SYNE1: variants seen among roughly 807,000 people sequenced by gnomAD.
SYNE1 encodes the protein spectrin repeat containing nuclear envelope protein 1, also known as nesprin-1.
SYNE1 carries 616 observed loss-of-function variants against 1,111.0 expected under a neutral mutation model. That is an observed-to-expected ratio of 0.55 (90% CI 0.52 to 0.59). The LOEUF is 0.59. Among genes scored for constraint, SYNE1 ranks in the 20% least tolerant of loss-of-function variants. SYNE1 has a pLI of 0.00. For synonymous variants in SYNE1, 3,855 were observed against 3,825.8 expected (o/e 1.01, Z -0.28); for missense variants, 10,006 against 10,417.0 (o/e 0.96, Z 1.72).
At chr6:152,232,286 A>G (rs764509579) in intron 112 of SYNE1, 21 bp from the exon 113 acceptor site, 1 of 1,613,676 alleles carries the variant, frequency 6.2e-7, no homozygotes, top group South Asian at 1.1e-5. Context: ...CAGGGAGAGA[A>G]CCAGTCCCAA....
intron 3 of SYNE1, among the ~76,000 whole-genome samples, chr6:152,585,960 A>T (rs1204171296): frequency 6.6e-6 from 1 of 152,088 alleles, no homozygotes; most frequent in African/African-American, 2.4e-5. Context: ...GTGAAATACA[A>T]AGACATGAGG....
rs1395630191 is a variant in SYNE1, at chr6:152,385,684, G to C, written c.8642C>G (p.Ser2881Ter). 6.2e-7 allele frequency: 1 copy of C among 1,613,920 alleles called. No homozygotes were observed. The highest frequency in any genetic ancestry group is 8.5e-7 in the Non-Finnish European group (1 of 1,179,978). Residue 2881 changes from serine to a stop codon, truncating the protein, a stop_gained, in exon 55 of 146, where the codon TCA (serine) becomes TGA (stop). Coordinates refer to ENST00000367255, the MANE Select transcript of SYNE1 (RefSeq NM_182961.4). LOFTEE classifies it high-confidence loss of function. ...GDSSATQKKL[S>*]KIKELIDSRE... ...TGTTCATTTCCTGACCTTAATTTTT[G>C]ATAACTTTTTCTGGGTGGCTGATGA...
intron 34 of SYNE1, among the ~76,000 whole-genome samples, chr6:152,431,916 T>A (rs1350581809): frequency 6.6e-6 from 1 of 152,162 alleles, no homozygotes; most frequent in Non-Finnish European, 1.5e-5. Context: ...GAAAAATTAA[T>A]CATAAATTCA....
intron 4 of SYNE1, among the ~76,000 whole-genome samples, chr6:152,526,431 T>C (rs1404303866): frequency 6.6e-6 from 1 of 152,232 alleles, no homozygotes; most frequent in African/African-American, 2.4e-5. Flanking sequence ...TGTACCAGCT[T>C]CTTTCTAGAA....
At chr6:152,151,037 C>A (rs1400096707) in intron 135 of SYNE1, among the ~76,000 whole-genome samples, 1 of 152,032 alleles carries the variant, frequency 6.6e-6, no homozygotes, top group Non-Finnish European at 1.5e-5. Flanking sequence ...CATAGTGAAA[C>A]CCCATCTTTA....
Position 152,249,174 on chromosome 6 carries a change from G to A in SYNE1, c.19559C>T (p.Ala6520Val). 6.2e-7 allele frequency: 1 copy of A among 1,612,134 alleles called. No individual in the cohort carries two copies. Among genetic ancestry groups the A allele is most frequent in the Non-Finnish European group, 8.5e-7 (1 of 1,178,298 alleles). ...KLANVFEQPVAEQIEAIQQAE... is the reference protein window; with the variant it reads ...KLANVFEQPVVEQIEAIQQAE... ...AGCTATAAATACCTCTATTTGTTCT[G>A]CTACGGGCTGTTCAAACACATTTGC... is the stretch of plus-strand genomic sequence containing the variant. The change falls in exon 105 of 146, where the codon GCA (alanine) becomes GTA (valine). Residue 6520 changes from alanine to valine, a missense_variant. Ala to Val is a moderately conservative substitution (Grantham distance 64, BLOSUM62 0). Coordinates refer to ENST00000367255, the MANE Select transcript of SYNE1 (RefSeq NM_182961.4).
chr6:152,382,343 A>G lies in SYNE1; in HGVS notation c.8653-981T>C, dbSNP rs139576129. On this transcript the variant is annotated intron_variant, in intron 55 of 145. Coordinates refer to ENST00000367255, the MANE Select transcript of SYNE1 (RefSeq NM_182961.4). ...TCAATGACCAATTAGCAAGTAAAGA[A>G]ACATTGGAATGTTAAGTATGAAGCA... Among the ~76,000 whole-genome samples, 476 of 152,348 alleles carry G rather than the reference A, an allele frequency of 3.1e-3. 2 individuals carry two copies. Among genetic ancestry groups the G allele is most frequent in the Non-Finnish European group, 4.9e-3 (336 of 68,014 alleles).
At chr6:152,617,624 G>A (rs1360154027) in intron 3 of SYNE1, among the ~76,000 whole-genome samples, 5 of 152,184 alleles carry the variant, frequency 3.3e-5, no homozygotes, top group East Asian at 1.9e-4. Flanking sequence ...CTGGATATCC[G>A]AAGTTGAATA....
chr6:152,279,732 A>AAAT (rs1204457701), intron 97 of SYNE1, among the ~76,000 whole-genome samples: 1 of 151,584 alleles, frequency 6.6e-6, no homozygotes, highest in Non-Finnish European at 1.5e-5. Context: ...AAAAAAAAAA[A>AAAT]AAAAGAATAT....
intron 3 of SYNE1, among the ~76,000 whole-genome samples, chr6:152,608,946 T>A (rs200013677): frequency 1.4e-5 from 1 of 69,710 alleles, no homozygotes; most frequent in South Asian, 3.8e-4. Flanking sequence ...AATAAAAAAA[T>A]AAAAAAAAAT....
chr6:152,605,797 C>T (rs1019711131), intron 3 of SYNE1, among the ~76,000 whole-genome samples: 2 of 152,026 alleles, frequency 1.3e-5, no homozygotes, highest in Non-Finnish European at 2.9e-5. Flanking sequence ...GTGATTAAGG[C>T]TTGGTGTTTT....
rs762418917 is a variant in SYNE1 at position 152,354,956 on chromosome 6, T to C, written c.10629A>G (p.Ala3543=). The C allele has an allele frequency of 6.2e-7, 1 of 1,614,102 alleles. No individual in the cohort carries two copies. The highest frequency in any genetic ancestry group is 8.5e-7 in the Non-Finnish European group (1 of 1,180,038). The change falls in exon 67 of 146, where the codon GCA becomes GCG. Residue 3543 remains alanine, a synonymous_variant. Transcript: ENST00000367255. ...RDLQELQVHC[A]EGQALLNSVL... is the part of the protein sequence containing the mutation. ...CTGAGTTCAACAGGGCCTGCCCCTC[T>C]GCACAGTGTACCTGTAGCTCCTGCA...
chr6:152,565,057 C>T (rs888708604), intron 3 of SYNE1, among the ~76,000 whole-genome samples: 2 of 152,110 alleles, frequency 1.3e-5, no homozygotes, highest in Non-Finnish European at 2.9e-5. Context: ...ATTAACTTCT[C>T]TTAAGGGAAT....
intron 72 of SYNE1, among the ~76,000 whole-genome samples, chr6:152,348,069 A>T (rs2096670343): frequency 6.6e-6 from 1 of 152,142 alleles, no homozygotes; most frequent in Non-Finnish European, 1.5e-5. Flanking sequence ...GTAATAATGT[A>T]ATATCTAATT....
rs1483110550 is a variant in SYNE1 at position 152,336,524 on chromosome 6, A to G, written c.12528+317T>C. On this transcript the variant is annotated intron_variant, in intron 76 of 145. Transcript: ENST00000367255. ...GTTAGATTATCATAAGGAGCATGCAACCTAGATCCCTTGCATGCGCAGTTC... is the reference window on the plus strand; with the variant it reads ...GTTAGATTATCATAAGGAGCATGCAGCCTAGATCCCTTGCATGCGCAGTTC... The G allele has an allele frequency of 7.4e-6, 3 of 403,496 alleles. No homozygotes were observed. In the East Asian group the frequency reaches 1.7e-4, roughly 23 times the overall value. 25.0% of individuals were successfully genotyped at this position (403,496 alleles called of 1,614,324 possible). A position where few individuals can be genotyped will look rare whatever the true frequency, so the allele number is the denominator to read the frequency against.
chr6:152,133,175 T>G, intron 143 of SYNE1, 101 bp downstream of exon 143: 1 of 1,135,966 alleles, frequency 8.8e-7, no homozygotes, highest in Non-Finnish European at 1.3e-6. Context: ...CACTCCATTC[T>G]GACAAGTACT....
At chr6:152,302,223 C>G in intron 91 of SYNE1, 160 bp from the exon 92 acceptor site, 1 of 928,592 alleles carries the variant, frequency 1.1e-6, no homozygotes, top group Non-Finnish European at 1.7e-6. Context: ...ATCTCGCTAC[C>G]GAGCCAGACC....
At chr6:152,478,841 A>G (rs1355375378) in intron 14 of SYNE1, among the ~76,000 whole-genome samples, 1 of 152,148 alleles carries the variant, frequency 6.6e-6, no homozygotes, top group Non-Finnish European at 1.5e-5. Flanking sequence ...ACAGTCAGCT[A>G]CATGTGTGTG....
At chr6:152,533,734 A>T (rs1368025344) in intron 4 of SYNE1, among the ~76,000 whole-genome samples, 1 of 152,110 alleles carries the variant, frequency 6.6e-6, no homozygotes, top group East Asian at 1.9e-4. Context: ...CCCCATTAGG[A>T]TATAAGCTTC....
Sources: gnomAD v4.1 joint callset for allele counts (sites outside exome capture counted in the v4.1 genomes callset) on GRCh38, gnomAD v4.1.1 for gene constraint, MANE v1.5 for transcripts, NCBI Gene and HGNC (gene_info 2026-07-23, HGNC 2026-07-21) for gene names.